NRXN2: variants seen among roughly 807,000 people sequenced by gnomAD.
NRXN2 encodes neurexin 2.
Under a neutral mutation model 128.8 loss-of-function variants are expected in NRXN2, and 29 were observed. The ratio of observed to expected loss-of-function variants is 0.23; its 90% CI spans 0.17 to 0.31. The LOEUF is 0.31. Among genes scored for constraint, NRXN2 ranks in the 10% least tolerant of loss-of-function variants. NRXN2 has a pLI of 1.00. For missense variants in NRXN2, 1,881 were observed against 2,452.6 expected (o/e 0.77, Z 4.92); for synonymous variants, 1,098 against 1,075.2 (o/e 1.02, Z -0.41).
At chr11:64,677,363 C>G (rs933541050) in intron 6 of NRXN2, among the ~76,000 whole-genome samples, 27 of 151,998 alleles carry the variant, frequency 1.8e-4, no homozygotes, top group African/African-American at 6.5e-4. Context: ...ATCCCCTCCC[C>G]GAAGAAGAGC....
At chr11:64,652,998 A>T (rs989264480) in intron 12 of NRXN2, among the ~76,000 whole-genome samples, 4 of 147,446 alleles carry the variant, frequency 2.7e-5, no homozygotes, top group African/African-American at 9.9e-5. Context: ...CCCAGCACAC[A>T]CAGTCTCTCT....
In NRXN2 at chr11:64,623,056, G is replaced by A. The variant is rs2042600941; in HGVS notation, c.3870C>T (p.Asn1290=). ...CCCCGATCTTGATGGCAGCCTGGCT[G>A]TTGAAGATGGTCAGCTGGCGGCCTT... is the stretch of plus-strand genomic sequence containing the variant. ...LDKGRQLTIF[N]SQAAIKIGGR... The change falls in exon 21 of 23, where the codon AAC becomes AAT. Residue 1290 remains asparagine (N), a synonymous_variant. Transcript: ENST00000265459. This position sits in a 1 kb window ranked among gnomAD's most constrained non-coding sequence, Gnocchi z 4.9. The A allele has an allele frequency of 1.2e-6, 2 of 1,606,144 alleles. No homozygotes were observed. Among genetic ancestry groups the A allele is most frequent in the Non-Finnish European group, 1.7e-6 (2 of 1,176,240 alleles).
At chr11:64,705,777 C>A (rs2056182342) in intron 2 of NRXN2, among the ~76,000 whole-genome samples, 1 of 151,302 alleles carries the variant, frequency 6.6e-6, no homozygotes, top group Non-Finnish European at 1.5e-5. Flanking sequence ...CCCCTCTCCT[C>A]TCACCCCTCC....
intron 3 of NRXN2, among the ~76,000 whole-genome samples, chr11:64,694,317 G>A (rs1362705509): frequency 6.6e-6 from 1 of 152,242 alleles, no homozygotes. Flanking sequence ...TGAACCCTAG[G>A]GATAGAAAGC....
chr11:64,686,588 G>A (rs1408469536), intron 5 of NRXN2, among the ~76,000 whole-genome samples: 6 of 152,174 alleles, frequency 3.9e-5, no homozygotes, highest in Admixed American at 1.3e-4. Context: ...GATATGCACC[G>A]GATAGCAACA....
At chr11:64,612,101 T>A (rs1486150997) in intron 22 of NRXN2, among the ~76,000 whole-genome samples, 2 of 152,154 alleles carry the variant, frequency 1.3e-5, no homozygotes, top group Non-Finnish European at 2.9e-5. Flanking sequence ...TCTGGGGCAA[T>A]CAAGTCACCT....
intron 17 of NRXN2, chr11:64,637,383 C>G (rs1348945516): frequency 6.6e-6 from 1 of 152,310 alleles, no homozygotes; most frequent in Non-Finnish European, 1.5e-5. Flanking sequence ...CAGTGACCCC[C>G]ACCCCCACCC....
At chr11:64,677,686 G>A (rs2051543918) in intron 6 of NRXN2, among the ~76,000 whole-genome samples, 1 of 152,186 alleles carries the variant, frequency 6.6e-6, no homozygotes, top group Non-Finnish European at 1.5e-5. Context: ...CAGCTGAAAT[G>A]TTAGAGAGTG....
intron 1 of NRXN2, among the ~76,000 whole-genome samples, chr11:64,715,010 G>A (rs2057253689): frequency 6.6e-6 from 1 of 152,018 alleles, no homozygotes; most frequent in African/African-American, 2.4e-5. Context: ...GGAGGGGCTA[G>A]AGTTTAGGAA....
At chr11:64,684,132 G>A (rs2052686611) in intron 6 of NRXN2, among the ~76,000 whole-genome samples, 1 of 151,988 alleles carries the variant, frequency 6.6e-6, no homozygotes, top group Admixed American at 6.6e-5. Flanking sequence ...GTATTTTTTG[G>A]TCATATGATG....
At position 64,704,185 on chromosome 11, in the gene NRXN2, T is replaced by C. The variant is rs117723564; in HGVS notation, c.731-6393A>G. On this transcript the variant is annotated intron_variant, in intron 2 of 22. Transcript: ENST00000265459. ...ACATAGGTGATTTCATTTGCTTAAC[T>C]TTCAGACACAAGACTTCACTCCCCC... 9.2e-5 allele frequency among the ~76,000 whole-genome samples: 14 copies of C among 152,262 alleles called. No homozygotes were observed. The East Asian group carries it at 2.7e-3, about 29-fold the overall frequency.
chr11:64,693,159 A>G (rs1592156275), intron 3 of NRXN2, among the ~76,000 whole-genome samples: 1 of 80,942 alleles, frequency 1.2e-5, no homozygotes, highest in Non-Finnish European at 2.3e-5. Flanking sequence ...AGAGGGTGAG[A>G]GGGGTACAGG....
chr11:64,710,690 G>A (rs1302931866), intron 2 of NRXN2, among the ~76,000 whole-genome samples: 1 of 152,124 alleles, frequency 6.6e-6, no homozygotes, highest in African/African-American at 2.4e-5. Context: ...TAAGGTTCTG[G>A]AAAGAAAGAG....
intron 2 of NRXN2, among the ~76,000 whole-genome samples, chr11:64,698,399 A>G (rs2054845414): frequency 6.6e-6 from 1 of 152,212 alleles, no homozygotes; most frequent in Admixed American, 6.5e-5. Flanking sequence ...ATCAAGACAC[A>G]GAGAGAACAA....
At chr11:64,717,010 G>A (rs1162948396) in intron 1 of NRXN2, among the ~76,000 whole-genome samples, 3 of 151,970 alleles carry the variant, frequency 2.0e-5, no homozygotes, top group Non-Finnish European at 4.4e-5. Context: ...CCAGAATACA[G>A]GGGGCTCCTG....
intron 3 of NRXN2, among the ~76,000 whole-genome samples, chr11:64,696,395 A>C (rs1565436322): frequency 6.6e-6 from 1 of 152,154 alleles, no homozygotes; most frequent in Non-Finnish European, 1.5e-5. Flanking sequence ...CGCACAGCAC[A>C]CCCATGCACT....
At chr11:64,634,559 T>G (rs1177773658) in intron 18 of NRXN2, among the ~76,000 whole-genome samples, 1 of 151,988 alleles carries the variant, frequency 6.6e-6, no homozygotes, top group Non-Finnish European at 1.5e-5. Flanking sequence ...TCAAGGTGGG[T>G]AGCAGGCACA....
At chr11:64,689,559 A>G (rs1212193137) in intron 5 of NRXN2, among the ~76,000 whole-genome samples, 1 of 152,102 alleles carries the variant, frequency 6.6e-6, no homozygotes, top group East Asian at 1.9e-4. Context: ...CCGGGGGCAT[A>G]GGAACAAAAA....
chr11:64,685,742 T>C lies in NRXN2; in HGVS notation c.1056A>G (p.Leu352=), dbSNP rs2052947886. Residue 352 remains leucine, a synonymous_variant, in exon 6 of 23, where the codon CTA becomes CTG. Transcript: ENST00000265459. ...KSGAVWLVIN[L]GSGAFEALVE... ...CAAGGGCCTCGAAGGCACCTGAGCC[T>C]AGGTTGATGACCAGCCAGACAGCCC... 1 of 1,614,202 alleles carries C rather than the reference T, an allele frequency of 6.2e-7. No individual in the cohort carries two copies. The highest frequency in any genetic ancestry group is 8.5e-7 in the Non-Finnish European group (1 of 1,180,030).
Sources: gnomAD v4.1 joint callset for allele counts (sites outside exome capture counted in the v4.1 genomes callset) on GRCh38, gnomAD v4.1.1 for gene constraint, Gnocchi (gnomAD v3.1) non-coding constraint, MANE v1.5 for transcripts, NCBI Gene and HGNC (gene_info 2026-07-23, HGNC 2026-07-21) for gene names.